CFAP74: variants seen among roughly 807,000 people sequenced by gnomAD.
The protein encoded by CFAP74 is cilia and flagella associated protein 74, also known as cilia- and flagella-associated protein 74.
Under a neutral mutation model 188.9 loss-of-function variants are expected in CFAP74, and 124 were observed. That is an observed-to-expected ratio of 0.66 (90% CI 0.57 to 0.76). The LOEUF (loss-of-function observed/expected upper bound fraction) is 0.76. Ranked by LOEUF, CFAP74 falls within the 30% of genes least tolerant of loss-of-function variation. CFAP74 has a pLI of 0.00. For synonymous variants in CFAP74, 956 were observed against 916.7 expected, an observed-to-expected ratio of 1.04 and a Z score of -0.77; for missense variants, 2,198 against 2,165.2, an observed-to-expected ratio of 1.02 and a Z score of -0.30.
chr1:1,946,872 G>A, intron 19 of CFAP74, 118 bp downstream of exon 19: 1 of 787,680 alleles, frequency 1.3e-6, no homozygotes, highest in South Asian at 1.6e-5. Flanking sequence ...CCTGTCTCTG[G>A]TCAAACGCAA....
intron 32 of CFAP74, 48 bp downstream of exon 32, chr1:1,926,180 G>A (rs1651874929): frequency 2.0e-6 from 3 of 1,469,734 alleles, no homozygotes; most frequent in East Asian, 5.0e-5. Context: ...GTTCTGCAGT[G>A]TGGGGAGCCT....
At chr1:1,950,603 G>C (rs531167484) in intron 18 of CFAP74, among the ~76,000 whole-genome samples, 52 of 152,240 alleles carry the variant, frequency 3.4e-4, no homozygotes, top group Non-Finnish European at 2.1e-4. Context: ...GCCGCCCAAA[G>C]TGCTGGGATT....
chr1:1,968,126 GTGAGTGAA>G lies in CFAP74; in HGVS notation c.1245+501_1245+508del, dbSNP rs1319347484. On this transcript the variant is annotated intron_variant, in intron 11 of 38. Transcript: ENST00000682832. The surrounding 1 kb of genome is among the most constrained non-coding windows in gnomAD (Gnocchi z 4.3). ...GAATGAGTGAATGAATGAAGAATGA[GTGAGTGAA>G]TGAATGAAGAAAGAATGAGTGAGTG... 5.6e-5 allele frequency among the ~76,000 whole-genome samples: 8 copies of G among 143,330 alleles called. No homozygotes were observed. Among genetic ancestry groups the G allele is most frequent in the Non-Finnish European group, 1.1e-4 (7 of 63,468 alleles). 94.0% of individuals were successfully genotyped at this position (143,330 alleles called of 152,430 possible).
Position 1,946,435 on chromosome 1 carries a change from G to A in CFAP74, c.2246C>T (p.Thr749Ile), listed in dbSNP as rs768466430. The A allele has an allele frequency of 3.0e-5, 46 of 1,535,680 alleles. No individual in the cohort carries two copies. Among genetic ancestry groups the A allele is most frequent in the Non-Finnish European group, 1.2e-5 (14 of 1,146,036 alleles). The change falls in exon 20 of 39, where the codon ACA becomes ATA. Residue 749 changes from threonine (T) to isoleucine (I), a missense_variant. By Grantham distance (89) the Thr-to-Ile change is moderately conservative (BLOSUM62 -1). Coordinates refer to ENST00000682832, the MANE Select transcript of CFAP74 (RefSeq NM_001304360.2). ...EQTEITLGEV[T>I]EGEIGPFSSI... The stretch of plus-strand genomic sequence containing the variant: ...GCTGAAGGGGCCAATTTCCCCTTCT[G>A]TTACCTGCACAGGAAGAGATGCCAT...
intron 10 of CFAP74, 143 bp downstream of exon 10, chr1:1,970,516 G>T: frequency 1.1e-6 from 1 of 901,026 alleles, no homozygotes; most frequent in Non-Finnish European, 1.6e-6. Flanking sequence ...TGGAGCCCCT[G>T]TTCCCGTGCC....
chr1:1,959,181 G>A lies in CFAP74; in HGVS notation c.1790C>T (p.Ser597Leu). ...AAACTCGCCCGTCTGAGCCAAAAAT[G>A]AGATATTTCCTTCTAGATCCTTGTT... ...MINKDLEGNI[S>L]FLAQTGEFSV... Residue 597 changes from serine (S) to leucine (L), a missense_variant, in exon 16 of 39, where the codon TCA becomes TTA. Transcript: ENST00000682832. 1 of 1,611,658 alleles carries A rather than the reference G, an allele frequency of 6.2e-7. No individual in the cohort carries two copies. The highest frequency in any genetic ancestry group is 8.5e-7 in the Non-Finnish European group (1 of 1,177,982).
chr1:1,964,034 G>T (rs1361168912), intron 13 of CFAP74, among the ~76,000 whole-genome samples, 167 bp from the exon 14 acceptor site: 4 of 152,220 alleles, frequency 2.6e-5, no homozygotes, highest in African/African-American at 9.7e-5. Flanking sequence ...AGGCCCCTGG[G>T]GTGCATGAAG....
chr1:1,951,024 T>C (rs1385781100), intron 18 of CFAP74, among the ~76,000 whole-genome samples: 1 of 151,630 alleles, frequency 6.6e-6, no homozygotes, highest in Non-Finnish European at 1.5e-5. Context: ...TGGAGGGGGG[T>C]GTATTAGTCT....
At chr1:1,985,103 G>C (rs1657147039) in intron 6 of CFAP74, 1 of 356,336 alleles carries the variant, frequency 2.8e-6, no homozygotes, top group South Asian at 5.7e-5. Flanking sequence ...TGAAAACCCA[G>C]CTCGCTGTTC....
Position 1,987,043 on chromosome 1 carries a change from A to G in CFAP74, c.297-8T>C, listed in dbSNP as rs751881917. ...CAGGCGCGCAGCTCCCCTCTGGAAC[A>G]GGGAAACAAAGGTCAGATGATGGTT... On this transcript the variant is annotated splice_region_variant and splice_polypyrimidine_tract_variant and intron_variant, in intron 4 of 38. Coordinates refer to ENST00000682832, the MANE Select transcript of CFAP74 (RefSeq NM_001304360.2). 1 of 1,586,552 alleles carries G rather than the reference A, an allele frequency of 6.3e-7. No individual in the cohort carries two copies. The highest frequency in any genetic ancestry group is 8.6e-7 in the Non-Finnish European group (1 of 1,168,186).
intron 14 of CFAP74, 124 bp downstream of exon 14, chr1:1,963,625 G>GA: frequency 1.6e-6 from 1 of 617,126 alleles, no homozygotes; most frequent in Non-Finnish European, 2.8e-6. Flanking sequence ...AAATCTTCGT[G>GA]AAAATCGGAC....
chr1:1,972,125 G>A (rs1221913893), intron 8 of CFAP74, 43 bp from the exon 9 acceptor site: 1 of 1,492,412 alleles, frequency 6.7e-7, no homozygotes, highest in Admixed American at 1.7e-5. Context: ...CTGTCGCCCA[G>A]GCTGGTGTGC....
chr1:1,980,960 G>C (rs949505923), intron 6 of CFAP74, among the ~76,000 whole-genome samples: 3 of 152,218 alleles, frequency 2.0e-5, no homozygotes, highest in African/African-American at 7.2e-5. Context: ...CACGTGCTGG[G>C]GAAGGTTCAG....
In CFAP74 at chr1:1,973,779, G is replaced by A. The variant is rs114747472; in HGVS notation, c.674+246C>T. On this transcript the variant is annotated intron_variant, in intron 7 of 38. Coordinates refer to ENST00000682832, the MANE Select transcript of CFAP74 (RefSeq NM_001304360.2). This position sits in a 1 kb window ranked among gnomAD's most constrained non-coding sequence, Gnocchi z 6.2. ...CGTGGCTTTAGTAGCCAGCTTTAGCGGCTGTATGGTGGCTGCGGCATCTTG... is the reference window on the plus strand; with the variant it reads ...CGTGGCTTTAGTAGCCAGCTTTAGCAGCTGTATGGTGGCTGCGGCATCTTG... 7.3e-4 allele frequency among the ~76,000 whole-genome samples: 111 copies of A among 152,150 alleles called. No homozygotes were observed. The highest frequency in any genetic ancestry group is 2.6e-3 in the African/African-American group (108 of 41,508).
At chr1:1,970,418 G>C (rs1461257229) in intron 10 of CFAP74, among the ~76,000 whole-genome samples, 1 of 152,178 alleles carries the variant, frequency 6.6e-6, no homozygotes, top group African/African-American at 2.4e-5. Context: ...TCTGGGAGGG[G>C]AGAAGGGGCC....
In CFAP74 at chr1:1,923,221, C is replaced by T; in HGVS notation, c.4523-76G>A. 6.6e-7 allele frequency: 1 copy of T among 1,512,794 alleles called. No individual in the cohort carries two copies. Among genetic ancestry groups the T allele is most frequent in the South Asian group, 1.2e-5 (1 of 81,080 alleles). 93.7% of individuals were successfully genotyped at this position (1,512,794 alleles called of 1,614,324 possible). On this transcript the variant is annotated intron_variant, in intron 36 of 38. Transcript: ENST00000682832. The surrounding 1 kb of genome is among the most constrained non-coding windows in gnomAD (Gnocchi z 6.3). ...GTGAGGCTGCAGCTGGACTCCTGAA[C>T]TCTGGTTAGCAGTGGCTGTCCTGCT...
chr1:1,952,020 T>G (rs1055425978), intron 18 of CFAP74, among the ~76,000 whole-genome samples: 1 of 152,160 alleles, frequency 6.6e-6, no homozygotes, highest in African/African-American at 2.4e-5. Flanking sequence ...ACGAGAAGCA[T>G]AGCTCACTGC....
chr1:1,988,487 T>C (rs764764903), intron 4 of CFAP74, 25 bp downstream of exon 4: 1 of 1,607,154 alleles, frequency 6.2e-7, no homozygotes, highest in Non-Finnish European at 8.5e-7. Context: ...GAGGTGCAGG[T>C]GCAGCGGCCT....
chr1:1,964,653 G>A (rs1655332502), intron 13 of CFAP74, among the ~76,000 whole-genome samples: 1 of 152,182 alleles, frequency 6.6e-6, no homozygotes, highest in Non-Finnish European at 1.5e-5. Flanking sequence ...AGCCAGGCGT[G>A]GTGGCAGGCG....
Sources: allele counts gnomAD v4.1 joint callset (sites outside exome capture counted in the v4.1 genomes callset), GRCh38; gene constraint gnomAD v4.1.1; non-coding constraint Gnocchi (gnomAD v3.1); transcripts MANE v1.5; gene names NCBI Gene and HGNC (gene_info 2026-07-23, HGNC 2026-07-21).